The following ELFN2 variants were observed in gnomAD, a reference collection of about 807,000 sequenced individuals.
The protein encoded by ELFN2 is protein phosphatase 1 regulatory subunit 29.
In ELFN2, 17 loss-of-function variants were observed where a neutral mutation model predicts 45.5. The observed-to-expected ratio is 0.37, with a 90% confidence interval of 0.26 to 0.56. The LOEUF (loss-of-function observed/expected upper bound fraction) is 0.56, where lower values mean the gene tolerates loss of function less well. Ranked by LOEUF, ELFN2 falls within the 20% of genes least tolerant of loss-of-function variation. The pLI is 0.77. For missense variants in ELFN2, 922 were observed against 1,183.2 expected (o/e 0.78, Z 3.24); for synonymous variants, 550 against 551.5 (o/e 1.00, Z 0.04).
chr22:37,382,692 G>C (rs941691930), intron 2 of ELFN2, among the ~76,000 whole-genome samples: 1 of 151,898 alleles, frequency 6.6e-6, no homozygotes, highest in East Asian at 1.9e-4. Flanking sequence ...TGGGACCATA[G>C]GCGCATGCCA....
At position 37,427,357 on chromosome 22, in the gene ELFN2, C is replaced by T. The variant is rs1373949403; in HGVS notation, c.-673G>A. 2 of 153,042 alleles carry T rather than the reference C, an allele frequency of 1.3e-5. No individual in the cohort carries two copies. Among genetic ancestry groups the T allele is most frequent in the Non-Finnish European group, 2.9e-5 (2 of 68,768 alleles). The allele number at this position is 153,042 out of a possible 1,614,324, so 9.5% of individuals were successfully genotyped here. On this transcript the variant is annotated 5_prime_UTR_variant, in exon 1 of 3. Transcript: ENST00000402918. The stretch of plus-strand genomic sequence containing the variant: ...CTCCGGGAAGCGGCGGCCGCGGGGC[C>T]TGCGCGTGTGAGTGTGAGTGTGAAT...
intron 1 of ELFN2, among the ~76,000 whole-genome samples, chr22:37,362,480 G>T (rs1016533082): frequency 2.6e-5 from 4 of 152,204 alleles, no homozygotes; most frequent in Non-Finnish European, 5.9e-5. Flanking sequence ...GACACGAGAT[G>T]CAGGGGTTGA....
At chr22:37,340,950 CA>C (rs1344912724) in exon 3 of ELFN2, 1 of 152,248 alleles carries the variant, frequency 6.6e-6, no homozygotes, top group Non-Finnish European at 1.5e-5. Flanking sequence ...TTTGAAACCA[CA>C]TCTGTCTGAA....
downstream of ELFN2, among the ~76,000 whole-genome samples, chr22:37,366,862 G>A (rs143500272): frequency 6.7e-3 from 1,026 of 152,324 alleles, 11 homozygotes; most frequent in African/African-American, 0.022. Flanking sequence ...AGGGACAGGC[G>A]TCCAGCTGGG....
chr22:37,402,358 C>T (rs1181200244), intron 2 of ELFN2, among the ~76,000 whole-genome samples: 1 of 152,212 alleles, frequency 6.6e-6, no homozygotes, highest in African/African-American at 2.4e-5. Context: ...AGTTTTGATG[C>T]CATCCAAACT....
rs1932770937 is a variant in ELFN2, at chr22:37,417,368, T to C, written c.-463+401A>G. The stretch of plus-strand genomic sequence containing the variant: ...CCCCACCTGAGCGAGACCCCCACCA[T>C]GTTGTCCCAGGCCTTCCCCTGGAAG... On this transcript the variant is annotated intron_variant, in intron 2 of 2. Coordinates refer to ENST00000402918, the MANE Select transcript of ELFN2 (RefSeq NM_052906.5). The surrounding 1 kb of genome is among the most constrained non-coding windows in gnomAD (Gnocchi z 4.5). Among the ~76,000 whole-genome samples, 1 of 152,132 alleles carries C rather than the reference T, an allele frequency of 6.6e-6. No homozygotes were observed. The highest frequency in any genetic ancestry group is 6.5e-5 in the Admixed American group (1 of 15,284).
At chr22:37,401,435 G>A (rs2145671643) in intron 2 of ELFN2, among the ~76,000 whole-genome samples, 1 of 152,336 alleles carries the variant, frequency 6.6e-6, no homozygotes, top group South Asian at 2.1e-4. Flanking sequence ...GGTCCCTGAG[G>A]AGGCTTGGAA....
At chr22:37,342,411 G>C (rs867369016) in intron 2 of ELFN2, among the ~76,000 whole-genome samples, 13 of 152,160 alleles carry the variant, frequency 8.5e-5, no homozygotes, top group Non-Finnish European at 1.5e-4. Context: ...TTGCAGAGGA[G>C]GGGGAGAAGG....
At chr22:37,355,787 G>A (rs1011057003) in intron 1 of ELFN2, among the ~76,000 whole-genome samples, 3 of 152,160 alleles carry the variant, frequency 2.0e-5, no homozygotes, top group African/African-American at 7.2e-5. Context: ...TTTGTGCTCC[G>A]CAGAGTGCAG....
Position 37,421,783 on chromosome 22 carries a change from G to A in ELFN2, c.-613-3864C>T, listed in dbSNP as rs148024289. ...ATTTTTTGAGGGCCTACCAGTCTCC[G>A]CCTGCACAGAGCTGACATGAAGTGG... On this transcript the variant is annotated intron_variant, in intron 1 of 2. Transcript: ENST00000402918. Among the ~76,000 whole-genome samples the A allele has an allele frequency of 2.3e-3, 354 of 152,306 alleles. 1 individual carries two copies. Among genetic ancestry groups the A allele is most frequent in the Middle Eastern group, 6.8e-3 (2 of 294 alleles).
intron 2 of ELFN2, among the ~76,000 whole-genome samples, chr22:37,380,111 C>T (rs1931709756): frequency 6.6e-6 from 1 of 152,242 alleles, no homozygotes; most frequent in Non-Finnish European, 1.5e-5. Context: ...AGGCTGACTC[C>T]CAAGCTTCCC....
At chr22:37,357,624 G>A (rs1930981726) in intron 1 of ELFN2, among the ~76,000 whole-genome samples, 1 of 152,206 alleles carries the variant, frequency 6.6e-6, no homozygotes, top group Non-Finnish European at 1.5e-5. Context: ...CCACAGGGAT[G>A]GGCCCAGCTC....
At chr22:37,425,341 T>A (rs1192512594) in intron 1 of ELFN2, among the ~76,000 whole-genome samples, 1 of 152,102 alleles carries the variant, frequency 6.6e-6, no homozygotes, top group Non-Finnish European at 1.5e-5. Context: ...GAAGGTGCAC[T>A]CTTCAGGGGG....
Position 37,375,083 on chromosome 22 carries a change from G to A in ELFN2, c.452C>T (p.Pro151Leu), listed in dbSNP as rs1253813389. 5.6e-6 allele frequency: 9 copies of A among 1,613,542 alleles called. No homozygotes were observed. Among genetic ancestry groups the A allele is most frequent in the South Asian group, 2.2e-5 (2 of 91,072 alleles). Residue 151 changes from proline to leucine, a missense_variant, in exon 3 of 3, where the codon CCG (proline) becomes CTG (leucine). Physicochemically the swap from Pro to Leu is moderately conservative, Grantham distance 98 (BLOSUM62 -3). This residue lies in a region of ELFN2 where 358 missense variants were observed against 540.4 expected (regional missense o/e 0.66). Transcript: ENST00000402918. The part of the protein sequence containing the change: ...VVTPTAFSEC[P>L]SLISIDLSSN... ...GGACAGGTCGATGCTGATGAGGCTC[G>A]GGCACTCGGAGAAGGCGGTGGGCGT...
rs770845915 is a variant in ELFN2 at position 37,373,290 on chromosome 22, T to TGGGGGAGAGCTGCGAGTA, written c.2227_2244dup (p.Tyr743_Pro748dup). ...GAGGAGTACCCTGAGTAGTAGTGTC[T>TGGGGGAGAGCTGCGAGTA]GGGGGAGAGCTGCGAGTAGGTGGAG... On this transcript the variant is annotated inframe_insertion, in exon 3 of 3. Transcript: ENST00000402918. The TGGGGGAGAGCTGCGAGTA allele has an allele frequency of 6.2e-7, 1 of 1,613,646 alleles. No homozygotes were observed. The highest frequency in any genetic ancestry group is 1.1e-5 in the South Asian group (1 of 91,056).
chr22:37,357,673 T>G (rs1191170533), intron 1 of ELFN2, among the ~76,000 whole-genome samples: 1 of 152,204 alleles, frequency 6.6e-6, no homozygotes, highest in Non-Finnish European at 1.5e-5. Flanking sequence ...AAATGTTGGC[T>G]TCCTTCCCTT....
rs543456328 is a variant in ELFN2, at chr22:37,417,910, T to C, written c.-604A>G. ...GGGTGGCAGCAGCTCCTCACCCAAGTCCTCTCCTTCTGCAGGGAGGCGAGG... is the reference window on the plus strand; with the variant it reads ...GGGTGGCAGCAGCTCCTCACCCAAGCCCTCTCCTTCTGCAGGGAGGCGAGG... On this transcript the variant is annotated 5_prime_UTR_variant, in exon 2 of 3. Coordinates refer to ENST00000402918, the MANE Select transcript of ELFN2 (RefSeq NM_052906.5). This position sits in a 1 kb window ranked among gnomAD's most constrained non-coding sequence, Gnocchi z 4.5. 1 of 141,172 alleles carries C rather than the reference T, an allele frequency of 7.1e-6. No individual in the cohort carries two copies. Among genetic ancestry groups the C allele is most frequent in the East Asian group, 2.3e-4 (1 of 4,372 alleles). The allele number at this position is 141,172 out of a possible 1,614,324, so 8.7% of individuals were successfully genotyped here.
Position 37,405,089 on chromosome 22 carries a change from C to T in ELFN2, c.-463+12680G>A, listed in dbSNP as rs76397085. ...GGCCCCTCACCTCCCTGAACCTCAG[C>T]ATTTTTTTTTTTTTTTTTTTTTTGA... On this transcript the variant is annotated intron_variant, in intron 2 of 2. Coordinates refer to ENST00000402918, the MANE Select transcript of ELFN2 (RefSeq NM_052906.5). 1.2e-4 allele frequency among the ~76,000 whole-genome samples: 15 copies of T among 121,534 alleles called. 1 individual carries two copies. The highest frequency in any genetic ancestry group is 3.8e-4 in the African/African-American group (11 of 29,244). The allele number at this position is 121,534 out of a possible 152,430, so 79.7% of individuals were successfully genotyped here. A position where few individuals can be genotyped will look rare whatever the true frequency, so the allele number is the denominator to read the frequency against.
chr22:37,347,785 C>T (rs1364156389), intron 1 of ELFN2, among the ~76,000 whole-genome samples: 1 of 152,176 alleles, frequency 6.6e-6, no homozygotes, highest in Non-Finnish European at 1.5e-5. Flanking sequence ...GTCATAATGT[C>T]TGACATACTA....
Sources: gnomAD v4.1 joint callset for allele counts (sites outside exome capture counted in the v4.1 genomes callset) on GRCh38, gnomAD v4.1.1 for gene constraint, gnomAD v4.1.1 regional missense constraint, Gnocchi (gnomAD v3.1) non-coding constraint, MANE v1.5 for transcripts, NCBI Gene and HGNC (gene_info 2026-07-23, HGNC 2026-07-21) for gene names.